The following TMEM63A variants were observed in gnomAD, a reference collection of about 807,000 sequenced individuals.
The protein encoded by TMEM63A is mechanosensitive cation channel TMEM63A.
TMEM63A carries 76 observed loss-of-function variants against 100.6 expected under a neutral mutation model. The ratio of observed to expected loss-of-function variants is 0.76; its 90% CI spans 0.63 to 0.91. The LOEUF is 0.91. Among genes scored for constraint, TMEM63A ranks in the 40% least tolerant of loss-of-function variants. The pLI, the probability that TMEM63A is intolerant of heterozygous loss-of-function variation, is 0.00. For synonymous variants in TMEM63A, 401 were observed against 401.1 expected, an observed-to-expected ratio of 1.00 and a Z score of 0.00; for missense variants, 876 against 1,008.8, an observed-to-expected ratio of 0.87 and a Z score of 1.78.
intron 15 of TMEM63A, among the ~76,000 whole-genome samples, chr1:225,858,359 C>T (rs1213652497): frequency 1.6e-5 from 2 of 123,400 alleles, no homozygotes; most frequent in Non-Finnish European, 1.6e-5. Flanking sequence ...GAGTTTCGCT[C>T]TTGTCGCCCA....
Position 225,847,182 on chromosome 1 carries a change from G to C in TMEM63A, c.2282C>G (p.Ala761Gly). 1 of 1,613,364 alleles carries C rather than the reference G, an allele frequency of 6.2e-7. No individual in the cohort carries two copies. The highest frequency in any genetic ancestry group is 8.5e-7 in the Non-Finnish European group (1 of 1,180,002). The change falls in exon 24 of 25, where the codon GCC becomes GGC. Residue 761 changes from alanine (A) to glycine (G), a missense_variant. By Grantham distance (60) the Ala-to-Gly change is moderately conservative. Around this residue, in one of 5 missense-constraint regions of TMEM63A, gnomAD observed 339 missense variants for 342.3 expected, o/e 0.99. Coordinates refer to ENST00000366835, the MANE Select transcript of TMEM63A (RefSeq NM_014698.3). ...PYVPRILNGLASERTALSPQQ... is the reference protein window; with the variant it reads ...PYVPRILNGLGSERTALSPQQ... ...CGGAGACAGTGCTGTCCTCTCCGAGGCCAAGCCGTTCAGAATCCGAGGCAC... is the reference window on the plus strand; with the variant it reads ...CGGAGACAGTGCTGTCCTCTCCGAGCCCAAGCCGTTCAGAATCCGAGGCAC...
intron 20 of TMEM63A, among the ~76,000 whole-genome samples, chr1:225,852,110 G>A (rs762182589): frequency 3.9e-5 from 6 of 152,256 alleles, no homozygotes; most frequent in African/African-American, 9.6e-5. Flanking sequence ...AACCATGAAC[G>A]ACATAGTCAG....
At position 225,853,784 on chromosome 1, in the gene TMEM63A, A is replaced by T; in HGVS notation, c.1642T>A (p.Phe548Ile). The T allele has an allele frequency of 6.2e-7, 1 of 1,602,558 alleles. No homozygotes were observed. The highest frequency in any genetic ancestry group is 8.5e-7 in the Non-Finnish European group (1 of 1,174,172). ...SEASIRLECV[F>I]LPDQGAFFVN... ...AAGAAGGCACCCTGGTCAGGCAGGAAGACGCACCTGGGGAAACCAGGGCCC... is the reference window on the plus strand; with the variant it reads ...AAGAAGGCACCCTGGTCAGGCAGGATGACGCACCTGGGGAAACCAGGGCCC... The change falls in exon 19 of 25, where the codon TTC (phenylalanine) becomes ATC (isoleucine). Residue 548 changes from phenylalanine to isoleucine, a missense_variant. Phe to Ile is a conservative substitution (Grantham distance 21). Transcript: ENST00000366835. The surrounding 1 kb of genome is among the most constrained non-coding windows in gnomAD (Gnocchi z 4.0).
intron 5 of TMEM63A, chr1:225,871,620 T>G: frequency 3.6e-6 from 1 of 279,080 alleles, no homozygotes; most frequent in Non-Finnish European, 6.7e-6. Flanking sequence ...AAACACCTAC[T>G]ATGCATCAGG....
rs376210312 is a variant in TMEM63A, at chr1:225,855,847, T to C, written c.1634+31A>G. ...CCTGTGGGACTTTCACCCAGGGCCA[T>C]GGCTCCAGAACTCAACTTGGCAATA... On this transcript the variant is annotated intron_variant, in intron 18 of 24. Coordinates refer to ENST00000366835, the MANE Select transcript of TMEM63A (RefSeq NM_014698.3). 143 of 1,610,690 alleles carry C rather than the reference T, an allele frequency of 8.9e-5. No individual in the cohort carries two copies. The African/African-American group carries it at 1.8e-3, about 20-fold the overall frequency.
rs116456190 is a variant in TMEM63A, at chr1:225,862,519, C to G, written c.887G>C (p.Arg296Pro). 7 of 1,613,972 alleles carry G rather than the reference C, an allele frequency of 4.3e-6. No homozygotes were observed. Among genetic ancestry groups the G allele is most frequent in the Admixed American group, 3.3e-5 (2 of 60,008 alleles). ...YTNLQVKTGQ[R>P]TLINPKPCGQ... is the part of the protein sequence containing the mutation. ...ACAGGGCTTGGGGTTGATGAGGGTCCGCTGGCCTGTCTTCACCTGCAGGTT... is the reference window on the plus strand; with the variant it reads ...ACAGGGCTTGGGGTTGATGAGGGTCGGCTGGCCTGTCTTCACCTGCAGGTT... The change falls in exon 12 of 25, where the codon CGG (arginine) becomes CCG (proline). Residue 296 changes from arginine (R) to proline (P), a missense_variant. Arg to Pro is a moderately radical substitution (Grantham distance 103). Around this residue, in one of 5 missense-constraint regions of TMEM63A, gnomAD observed 487 missense variants for 581.9 expected, o/e 0.84. Transcript: ENST00000366835. This position sits in a 1 kb window ranked among gnomAD's most constrained non-coding sequence, Gnocchi z 5.1.
At chr1:225,866,715 G>A (rs751892414) in intron 8 of TMEM63A, 33 bp from the exon 9 acceptor site, 1 of 1,604,212 alleles carries the variant, frequency 6.2e-7, no homozygotes. Context: ...TCAGGGCTGG[G>A]ATCCCAGGCA....
intron 2 of TMEM63A, 189 bp from the exon 3 acceptor site, chr1:225,877,783 T>C (rs1462988562): frequency 5.4e-6 from 3 of 553,486 alleles, no homozygotes; most frequent in Non-Finnish European, 9.6e-6. Context: ...AGAGAATGGC[T>C]GCATTGTGGG....
At position 225,862,694 on chromosome 1, in the gene TMEM63A, C is replaced by T. The variant is rs1670004852; in HGVS notation, c.827+77G>A. 7 of 1,609,032 alleles carry T rather than the reference C, an allele frequency of 4.4e-6. No homozygotes were observed. Among genetic ancestry groups the T allele is most frequent in the Middle Eastern group, 1.8e-4 (1 of 5,484 alleles). On this transcript the variant is annotated intron_variant, in intron 11 of 24. Transcript: ENST00000366835. This position sits in a 1 kb window ranked among gnomAD's most constrained non-coding sequence, Gnocchi z 5.1. ...GGAGAAGGAGGGGTCCAGGGCCTCCCGCCTCCCTTCCTAGCTGGGAGATGC... is the reference window on the plus strand; with the variant it reads ...GGAGAAGGAGGGGTCCAGGGCCTCCTGCCTCCCTTCCTAGCTGGGAGATGC...
intron 21 of TMEM63A, 101 bp downstream of exon 21, chr1:225,849,811 T>C: frequency 6.9e-7 from 1 of 1,438,918 alleles, no homozygotes; most frequent in Non-Finnish European, 9.5e-7. Flanking sequence ...TCTGACTGGA[T>C]GCCATGCTGA....
At position 225,845,552 on chromosome 1, in the gene TMEM63A, T is replaced by A. The variant is rs1240396711; in HGVS notation, c.*1387A>T. On this transcript the variant is annotated 3_prime_UTR_variant, in exon 25 of 25. Transcript: ENST00000366835. ...CAACATGGCTTTGATGATAAACGAC[T>A]TTACTCTAAAAGCGGCTGGAACTCA... 1.6e-6 allele frequency: 1 copy of A among 617,522 alleles called. No individual in the cohort carries two copies. The highest frequency in any genetic ancestry group is 2.8e-6 in the Non-Finnish European group (1 of 352,210). The allele number at this position is 617,522 out of a possible 1,614,324, so 38.3% of individuals were successfully genotyped here. A position where few individuals can be genotyped will look rare whatever the true frequency, so the allele number is the denominator to read the frequency against.
Position 225,862,744 on chromosome 1 carries a change from A to G in TMEM63A, c.827+27T>C, listed in dbSNP as rs538077083. The G allele has an allele frequency of 4.3e-6, 7 of 1,613,630 alleles. No individual in the cohort carries two copies. The South Asian group carries it at 7.7e-5, about 18-fold the overall frequency. On this transcript the variant is annotated intron_variant, in intron 11 of 24. Coordinates refer to ENST00000366835, the MANE Select transcript of TMEM63A (RefSeq NM_014698.3). The surrounding 1 kb of genome is among the most constrained non-coding windows in gnomAD (Gnocchi z 5.1). ...CGAGGCCAGCAAGGAAGGAGGGGGC[A>G]TCTTGCAAGGCCCGCCCACCACTCA...
chr1:225,856,952 G>C lies in TMEM63A; in HGVS notation c.1443C>G (p.Ser481=), dbSNP rs781019357. Residue 481 remains serine, a synonymous_variant, in exon 16 of 25, where the codon TCC becomes TCG. Coordinates refer to ENST00000366835, the MANE Select transcript of TMEM63A (RefSeq NM_014698.3). ...CCAGCAGTGTAGAGTAGTAGACAAT[G>C]GAGGGGAGCAGGGCCGAGAAGGACC... ...LLWSFSALLP[S]IVYYSTLLES... 16 of 1,604,310 alleles carry C rather than the reference G, an allele frequency of 1.0e-5. No individual in the cohort carries two copies. The highest frequency in any genetic ancestry group is 1.4e-5 in the Non-Finnish European group (16 of 1,177,478).
At chr1:225,869,666 C>CTTTTT (rs10638876) in intron 6 of TMEM63A, among the ~76,000 whole-genome samples, 2 of 109,914 alleles carry the variant, frequency 1.8e-5, no homozygotes, top group Non-Finnish European at 3.5e-5. Context: ...CTTTTCTTTT[C>CTTTTT]TTTTTTTTTT....
intron 15 of TMEM63A, 31 bp downstream of exon 15, chr1:225,859,165 C>G (rs1339182493): frequency 6.2e-7 from 1 of 1,613,864 alleles, no homozygotes; most frequent in East Asian, 2.2e-5. Flanking sequence ...ACCAGCTATC[C>G]TGGGAGGGGC....
chr1:225,870,213 A>G (rs1026521492), intron 6 of TMEM63A, among the ~76,000 whole-genome samples: 6 of 152,044 alleles, frequency 3.9e-5, no homozygotes, highest in Admixed American at 1.3e-4. Context: ...TTAGCTGGGC[A>G]TGGTGGCGCA....
intron 15 of TMEM63A, among the ~76,000 whole-genome samples, chr1:225,857,392 G>A (rs922656700): frequency 3.6e-5 from 5 of 137,060 alleles, no homozygotes; most frequent in African/African-American, 5.6e-5. Context: ...GGCGGGGGGG[G>A]GGGGGTGCCC....
chr1:225,862,128 C>T lies in TMEM63A; in HGVS notation c.1085+90G>A, dbSNP rs568149797. On this transcript the variant is annotated intron_variant, in intron 13 of 24. Transcript: ENST00000366835. This position sits in a 1 kb window ranked among gnomAD's most constrained non-coding sequence, Gnocchi z 5.1. ...ATAAATCCCAGGGATGGTGGGTCAG[C>T]AGTACCATCTCCACTCGAGAGGGAC... 36 of 1,546,358 alleles carry T rather than the reference C, an allele frequency of 2.3e-5. No individual in the cohort carries two copies. The South Asian group carries it at 4.3e-4, about 19-fold the overall frequency.
Position 225,862,017 on chromosome 1 carries a change from C to T in TMEM63A, c.1085+201G>A. The T allele has an allele frequency of 1.2e-6, 1 of 814,816 alleles. No homozygotes were observed. Among genetic ancestry groups the T allele is most frequent in the Non-Finnish European group, 1.9e-6 (1 of 532,654 alleles). The allele number at this position is 814,816 out of a possible 1,614,324, so 50.5% of individuals were successfully genotyped here. ...TCACCCACTCCGTGGCTGCTGCCCACACCCCCACCGCCTGTTACACAAACA... is the reference window on the plus strand; with the variant it reads ...TCACCCACTCCGTGGCTGCTGCCCATACCCCCACCGCCTGTTACACAAACA... On this transcript the variant is annotated intron_variant, in intron 13 of 24. Transcript: ENST00000366835. This position sits in a 1 kb window ranked among gnomAD's most constrained non-coding sequence, Gnocchi z 5.1.
Sources: allele counts gnomAD v4.1 joint callset (sites outside exome capture counted in the v4.1 genomes callset), GRCh38; gene constraint gnomAD v4.1.1; regional missense constraint gnomAD v4.1.1; non-coding constraint Gnocchi (gnomAD v3.1); transcripts MANE v1.5; gene names NCBI Gene and HGNC (gene_info 2026-07-23, HGNC 2026-07-21).